Variants in MCU observed in about 807,000 individuals in gnomAD.
MCU encodes the protein calcium uniporter protein, mitochondrial.
A neutral mutation model predicts 45.2 loss-of-function variants in MCU; 12 were observed. The ratio of observed to expected loss-of-function variants is 0.27; its 90% CI spans 0.17 to 0.43. The LOEUF (loss-of-function observed/expected upper bound fraction) is 0.43. Ranked by LOEUF, MCU falls within the 20% of genes least tolerant of loss-of-function variation. MCU has a pLI of 1.00. For missense variants in MCU, 324 were observed against 436.7 expected (o/e 0.74, Z 2.30); for synonymous variants, 160 against 165.1 (o/e 0.97, Z 0.24).
intron 1 of MCU, among the ~76,000 whole-genome samples, chr10:72,772,893 TTTTG>T (rs149924655): frequency 6.7e-5 from 10 of 149,732 alleles, no homozygotes; most frequent in East Asian, 2.0e-4. Context: ...AAATAGCAGG[TTTTG>T]TTTGTTTGTT....
chr10:72,882,527 GA>G (rs1845720245), intron 6 of MCU, among the ~76,000 whole-genome samples: 1 of 152,088 alleles, frequency 6.6e-6, no homozygotes, highest in Admixed American at 6.5e-5. Flanking sequence ...TTCTATGGTC[GA>G]AACTGTAGGG....
At chr10:72,694,868 G>T (rs1252207120) in intron 1 of MCU, among the ~76,000 whole-genome samples, 1 of 152,198 alleles carries the variant, frequency 6.6e-6, no homozygotes, top group East Asian at 1.9e-4. Context: ...GTTGGTAAGT[G>T]CAATTATGAA....
intron 1 of MCU, among the ~76,000 whole-genome samples, chr10:72,751,063 T>C (rs539220574): frequency 1.3e-5 from 2 of 152,250 alleles, no homozygotes; most frequent in South Asian, 4.1e-4. Context: ...TGCAGTGGCA[T>C]GATCTCGGCT....
chr10:72,749,827 C>T lies in MCU; in HGVS notation c.150+57526C>T, dbSNP rs180870927. On this transcript the variant is annotated intron_variant, in intron 1 of 7. Transcript: ENST00000373053. Reference sequence around the variant, plus strand: ...TGTTGCCCAGGCTGGAGTGCAGTGGCGTGATCTCAGCTCACTGCAGCCTCC... The same window carrying T: ...TGTTGCCCAGGCTGGAGTGCAGTGGTGTGATCTCAGCTCACTGCAGCCTCC... 3.8e-3 allele frequency among the ~76,000 whole-genome samples: 578 copies of T among 152,042 alleles called. 5 individuals are homozygous for T. The highest frequency in any genetic ancestry group is 4.8e-3 in the Non-Finnish European group (329 of 67,964).
At chr10:72,714,359 T>TC (rs1043610910) in intron 1 of MCU, among the ~76,000 whole-genome samples, 2 of 133,784 alleles carry the variant, frequency 1.5e-5, no homozygotes, top group African/African-American at 5.5e-5. Flanking sequence ...TTTTTTTTTT[T>TC]TTTTTTTTTA....
At chr10:72,765,785 TCAA>T (rs1843716808) in intron 1 of MCU, among the ~76,000 whole-genome samples, 1 of 68,290 alleles carries the variant, frequency 1.5e-5, no homozygotes, top group African/African-American at 8.2e-5. Context: ...AGACGCTGTC[TCAA>T]AAAAAAAAAA....
chr10:72,855,173 A>T (rs1217143569), intron 2 of MCU, among the ~76,000 whole-genome samples: 1 of 152,104 alleles, frequency 6.6e-6, no homozygotes, highest in East Asian at 1.9e-4. Flanking sequence ...CAGGAGGTGG[A>T]GGTTGCAGTG....
chr10:72,840,293 G>A (rs764643266), intron 2 of MCU, among the ~76,000 whole-genome samples: 9 of 152,110 alleles, frequency 5.9e-5, no homozygotes, highest in Non-Finnish European at 1.3e-4. Flanking sequence ...TAATGATATT[G>A]AACATCTTTT....
chr10:72,733,331 C>G (rs1044531477), intron 1 of MCU, among the ~76,000 whole-genome samples: 3 of 152,124 alleles, frequency 2.0e-5, no homozygotes, highest in African/African-American at 7.2e-5. Flanking sequence ...GTGGCACGTG[C>G]CTGTAATCCC....
intron 1 of MCU, among the ~76,000 whole-genome samples, chr10:72,830,444 GATTTCCTTT>G (rs1257485934): frequency 6.6e-6 from 1 of 152,188 alleles, no homozygotes; most frequent in Admixed American, 6.5e-5. Context: ...TGATGGTTGG[GATTTCCTTT>G]TAAGAGATAC....
At chr10:72,755,966 C>A (rs1843570566) in intron 1 of MCU, among the ~76,000 whole-genome samples, 1 of 152,054 alleles carries the variant, frequency 6.6e-6, no homozygotes, top group Non-Finnish European at 1.5e-5. Flanking sequence ...ACCTCCGCCT[C>A]CTGAGTAGCT....
At chr10:72,720,362 A>C (rs958051082) in intron 1 of MCU, among the ~76,000 whole-genome samples, 2 of 152,230 alleles carry the variant, frequency 1.3e-5, no homozygotes, top group African/African-American at 4.8e-5. Context: ...TTAGGAATTC[A>C]GGTATATGTC....
At chr10:72,824,372 AT>A (rs66765142) in intron 1 of MCU, among the ~76,000 whole-genome samples, 323 of 133,742 alleles carry the variant, frequency 2.4e-3, no homozygotes, top group African/African-American at 8.0e-3. Flanking sequence ...AATTTTTTGT[AT>A]TTTTTTTTTT....
intron 1 of MCU, among the ~76,000 whole-genome samples, chr10:72,775,127 A>G (rs1286454418): frequency 1.3e-5 from 2 of 152,170 alleles, no homozygotes; most frequent in Non-Finnish European, 2.9e-5. Context: ...GTTTTCTAGA[A>G]TAGAGTCTCC....
intron 2 of MCU, among the ~76,000 whole-genome samples, chr10:72,840,511 CTG>C (rs1400708796): frequency 6.6e-6 from 1 of 152,124 alleles, no homozygotes; most frequent in African/African-American, 2.4e-5. Flanking sequence ...ATGTTAGTAA[CTG>C]TTGTACACAG....
intron 1 of MCU, among the ~76,000 whole-genome samples, chr10:72,719,831 C>T (rs186315903): frequency 6.6e-6 from 1 of 152,172 alleles, no homozygotes; most frequent in Admixed American, 6.6e-5. Flanking sequence ...CTATACAATT[C>T]TAGGTCTTAT....
Position 72,824,949 on chromosome 10 carries a change from T to G in MCU, c.151-9410T>G, listed in dbSNP as rs116034903. Among the ~76,000 whole-genome samples, 1,187 of 152,272 alleles carry G rather than the reference T, an allele frequency of 7.8e-3. 16 individuals carry two copies. The highest frequency in any genetic ancestry group is 0.026 in the African/African-American group (1,072 of 41,540). On this transcript the variant is annotated intron_variant, in intron 1 of 7. Coordinates refer to ENST00000373053, the MANE Select transcript of MCU (RefSeq NM_138357.3). ...GGATGACTTCTCACCAGCATTTCTT[T>G]CCCCCTTTTTATTTTAGGCTTACCT...
intron 1 of MCU, among the ~76,000 whole-genome samples, chr10:72,718,781 A>G (rs1421910442): frequency 2.0e-5 from 3 of 152,254 alleles, no homozygotes; most frequent in Admixed American, 6.5e-5. Context: ...ACATAACCAC[A>G]TAATGAGTAT....
intron 1 of MCU, among the ~76,000 whole-genome samples, chr10:72,768,854 G>A (rs1434597921): frequency 1.3e-5 from 2 of 152,024 alleles, no homozygotes; most frequent in Admixed American, 1.3e-4. Flanking sequence ...TGTTATGCAT[G>A]GTTTTTGTTT....
Sources: gnomAD v4.1 joint callset for allele counts (sites outside exome capture counted in the v4.1 genomes callset) on GRCh38, gnomAD v4.1.1 for gene constraint, MANE v1.5 for transcripts, NCBI Gene and HGNC (gene_info 2026-07-23, HGNC 2026-07-21) for gene names.